Variants in HDAC4 observed in about 807,000 individuals in gnomAD.
The protein encoded by HDAC4 is histone deacetylase 4.
HDAC4 carries 16 observed loss-of-function variants against 135.1 expected under a neutral mutation model. That is an observed-to-expected ratio of 0.12 (90% CI 0.08 to 0.18). The LOEUF is 0.18. HDAC4 is among the 10% of genes least tolerant of loss of function. HDAC4 has a pLI of 1.00. For missense variants in HDAC4, 1,143 were observed against 1,511.8 expected, an observed-to-expected ratio of 0.76 and a Z score of 4.05; for synonymous variants, 685 against 653.4, an observed-to-expected ratio of 1.05 and a Z score of -0.74.
chr2:239,318,436 G>C (rs2053192715), intron 2 of HDAC4, among the ~76,000 whole-genome samples: 1 of 152,182 alleles, frequency 6.6e-6, no homozygotes, highest in Non-Finnish European at 1.5e-5. Flanking sequence ...GAGCAAAGGG[G>C]ACTGGGGAGG....
intron 4 of HDAC4, among the ~76,000 whole-genome samples, chr2:239,177,026 C>G (rs1395492274): frequency 6.6e-6 from 1 of 152,164 alleles, no homozygotes; most frequent in Non-Finnish European, 1.5e-5. Flanking sequence ...AAAGCCTGTA[C>G]AAGAATGTGC....
rs1274687392 is a variant in HDAC4 at position 239,139,808 on chromosome 2, G to C, written c.866-12C>G. 2 of 1,607,434 alleles carry C rather than the reference G, an allele frequency of 1.2e-6. No individual in the cohort carries two copies. Among genetic ancestry groups the C allele is most frequent in the African/African-American group, 1.4e-5 (1 of 72,112 alleles). ...GCTGCACGCGGAGTCTGCGGAGGCA[G>C]AAATACCCTGGTGAGTGTTACTCCA... On this transcript the variant is annotated splice_polypyrimidine_tract_variant and intron_variant, in intron 8 of 26. Coordinates refer to ENST00000543185, the MANE Select transcript of HDAC4 (RefSeq NM_001378414.1). The surrounding 1 kb of genome is among the most constrained non-coding windows in gnomAD (Gnocchi z 5.3).
At chr2:239,112,819 A>G (rs554456215) in intron 13 of HDAC4, among the ~76,000 whole-genome samples, 104 of 152,298 alleles carry the variant, frequency 6.8e-4, no homozygotes, top group African/African-American at 1.8e-3. Flanking sequence ...TCCTGTGAAC[A>G]TGGAAAACCA....
chr2:239,329,111 G>A (rs991497021), intron 2 of HDAC4, among the ~76,000 whole-genome samples: 11 of 152,118 alleles, frequency 7.2e-5, no homozygotes, highest in African/African-American at 2.4e-4. Context: ...GGAGGCAGGC[G>A]GCATGGAAGG....
At chr2:239,288,299 A>G (rs1011092417) in intron 2 of HDAC4, among the ~76,000 whole-genome samples, 44 of 152,228 alleles carry the variant, frequency 2.9e-4, no homozygotes, top group African/African-American at 1.1e-3. Context: ...GCTATCCATG[A>G]ACTTAACTTG....
At position 239,352,694 on chromosome 2, in the gene HDAC4, G is replaced by A. The variant is rs867481027; in HGVS notation, c.6C>T (p.Ser2=). Residue 2 remains serine (S), a synonymous_variant, in exon 2 of 27, where the codon AGC becomes AGT. Transcript: ENST00000543185. The surrounding 1 kb of genome is among the most constrained non-coding windows in gnomAD (Gnocchi z 4.4). ...CGGCCTTACCTGGATGGCTTTGGGA[G>A]CTCATTGCTAGCAATGTCCACTCCT... M[S]SQSHPDGLSG... 3 of 1,557,640 alleles carry A rather than the reference G, an allele frequency of 1.9e-6. No individual in the cohort carries two copies. In the Admixed American group the frequency reaches 5.7e-5, roughly 30 times the overall value.
At chr2:239,261,980 C>T (rs952931085) in intron 2 of HDAC4, among the ~76,000 whole-genome samples, 1 of 152,170 alleles carries the variant, frequency 6.6e-6, no homozygotes, top group Non-Finnish European at 1.5e-5. Flanking sequence ...AGCCCCCGGC[C>T]CCTACAGGTT....
intron 7 of HDAC4, among the ~76,000 whole-genome samples, chr2:239,149,394 A>AAATAAAT (rs1553634386): frequency 6.6e-6 from 1 of 151,828 alleles, no homozygotes; most frequent in African/African-American, 2.4e-5. Flanking sequence ...ATAAATAAAT[A>AAATAAAT]AATAAAAAGA....
At chr2:239,238,163 C>A (rs1194903346) in intron 2 of HDAC4, among the ~76,000 whole-genome samples, 1 of 152,022 alleles carries the variant, frequency 6.6e-6, no homozygotes, top group Non-Finnish European at 1.5e-5. Context: ...GAAAGAGACC[C>A]CAGATAGTGG....
intron 2 of HDAC4, among the ~76,000 whole-genome samples, chr2:239,336,906 G>C (rs4852048): frequency 2.0e-5 from 3 of 152,122 alleles, no homozygotes; most frequent in Non-Finnish European, 4.4e-5. Context: ...ATCACACTTA[G>C]GTGTCGCATG....
At chr2:239,369,085 C>T (rs778322510) in intron 1 of HDAC4, among the ~76,000 whole-genome samples, 6 of 152,102 alleles carry the variant, frequency 3.9e-5, no homozygotes, top group Non-Finnish European at 4.4e-5. Context: ...TGGACAGGCT[C>T]GCCGGCAGGG....
intron 2 of HDAC4, among the ~76,000 whole-genome samples, chr2:239,320,732 G>A (rs1003788969): frequency 6.6e-6 from 1 of 152,064 alleles, no homozygotes; most frequent in African/African-American, 2.4e-5. Flanking sequence ...GACATCTCAA[G>A]CCATACTGAA....
chr2:239,291,721 G>C (rs2051508894), intron 2 of HDAC4, among the ~76,000 whole-genome samples: 1 of 152,214 alleles, frequency 6.6e-6, no homozygotes, highest in Non-Finnish European at 1.5e-5. Flanking sequence ...GTCGGGGGAA[G>C]GGCAATATCT....
rs570263056 is a variant in HDAC4, at chr2:239,068,576, C to T, written c.2782G>A (p.Ala928Thr). ...TVVMPIASEF[A>T]PDVVLVSSGF... ...GATGACACCAGCACCACATCCGGGG[C>T]AAACTCGCTGGCGATCGGCATGACC... Residue 928 changes from alanine (A) to threonine (T), a missense_variant, in exon 23 of 27, where the codon GCC becomes ACC. Ala to Thr is a moderately conservative substitution (Grantham distance 58). This residue lies in a region of HDAC4 where 189 missense variants were observed against 317.6 expected (regional missense o/e 0.60). Coordinates refer to ENST00000543185, the MANE Select transcript of HDAC4 (RefSeq NM_001378414.1). The surrounding 1 kb of genome is among the most constrained non-coding windows in gnomAD (Gnocchi z 4.4). The T allele has an allele frequency of 3.5e-5, 57 of 1,613,938 alleles. No individual in the cohort carries two copies. In the South Asian group the frequency reaches 3.7e-4, roughly 11 times the overall value.
chr2:239,159,637 C>T (rs2042661823), intron 6 of HDAC4, among the ~76,000 whole-genome samples: 1 of 152,076 alleles, frequency 6.6e-6, no homozygotes, highest in African/African-American at 2.4e-5. Flanking sequence ...CACCCACATC[C>T]CCCATTCACA....
intron 3 of HDAC4, among the ~76,000 whole-genome samples, chr2:239,194,253 C>T (rs1429612284): frequency 6.6e-6 from 1 of 152,224 alleles, no homozygotes; most frequent in Non-Finnish European, 1.5e-5. Context: ...TACTCAAGAG[C>T]TATTAATGCT....
At chr2:239,387,705 G>A (rs953247465) in intron 1 of HDAC4, among the ~76,000 whole-genome samples, 1 of 152,194 alleles carries the variant, frequency 6.6e-6, no homozygotes, top group African/African-American at 2.4e-5. Context: ...GAGCGGTTGG[G>A]TCAATGGCAC....
At chr2:239,283,394 G>A (rs1011968577) in intron 2 of HDAC4, among the ~76,000 whole-genome samples, 5 of 152,238 alleles carry the variant, frequency 3.3e-5, no homozygotes, top group African/African-American at 1.2e-4. Context: ...TCAAACAGCA[G>A]AAAGCCTGGT....
chr2:239,215,902 G>A (rs927847029), intron 3 of HDAC4, among the ~76,000 whole-genome samples: 14 of 152,178 alleles, frequency 9.2e-5, no homozygotes, highest in African/African-American at 3.4e-4. Context: ...ATTTGATAAT[G>A]TGTGTTAAAG....
Sources: allele counts gnomAD v4.1 joint callset (sites outside exome capture counted in the v4.1 genomes callset), GRCh38; gene constraint gnomAD v4.1.1; regional missense constraint gnomAD v4.1.1; non-coding constraint Gnocchi (gnomAD v3.1); transcripts MANE v1.5; gene names NCBI Gene and HGNC (gene_info 2026-07-23, HGNC 2026-07-21).